The following SUGCT variants were observed in gnomAD, a reference collection of about 807,000 sequenced individuals.
SUGCT encodes the protein succinyl-CoA:glutarate-CoA transferase.
SUGCT carries 41 observed loss-of-function variants against 55.0 expected under a neutral mutation model. That is an observed-to-expected ratio of 0.74 (90% CI 0.58 to 0.97). The LOEUF (loss-of-function observed/expected upper bound fraction) is 0.97. Ranked by LOEUF, SUGCT falls within the 50% of genes least tolerant of loss-of-function variation. The pLI is 0.00. For synonymous variants in SUGCT, 187 were observed against 200.4 expected (o/e 0.93, Z 0.56); for missense variants, 568 against 547.8 (o/e 1.04, Z -0.37).
At chr7:40,223,147 G>A (rs1392813273) in intron 6 of SUGCT, among the ~76,000 whole-genome samples, 3 of 151,512 alleles carry the variant, frequency 2.0e-5, no homozygotes, top group Non-Finnish European at 2.9e-5. Flanking sequence ...CGCAACCTCC[G>A]CCTCCTGTGT....
chr7:40,322,326 T>C lies in SUGCT; in HGVS notation c.816+5471T>C, dbSNP rs139042029. ...AGCAATGAATTTCTCTAGTCTTCTA[T>C]GAGTTTTTATGCTCTCTAGTGCAGG... On this transcript the variant is annotated intron_variant, in intron 9 of 13. Transcript: ENST00000335693. Among the ~76,000 whole-genome samples the C allele has an allele frequency of 3.5e-4, 53 of 152,350 alleles. No individual in the cohort carries two copies. In the East Asian group the frequency reaches 7.7e-3, roughly 22 times the overall value.
At chr7:40,345,457 T>A (rs1797261656) in intron 9 of SUGCT, among the ~76,000 whole-genome samples, 1 of 152,218 alleles carries the variant, frequency 6.6e-6, no homozygotes, top group Non-Finnish European at 1.5e-5. Context: ...TGAAAAATGC[T>A]TTTATTTCTT....
At chr7:41,022,937 A>C in the SUGCT span, among the ~76,000 whole-genome samples, 1 of 152,316 alleles carries the variant, frequency 6.6e-6, no homozygotes, top group Non-Finnish European at 1.5e-5. Flanking sequence ...TAACAATCCA[A>C]ACATCTGTCA....
At chr7:40,284,062 A>T (rs1179451271) in intron 8 of SUGCT, among the ~76,000 whole-genome samples, 1 of 149,298 alleles carries the variant, frequency 6.7e-6, no homozygotes, top group Non-Finnish European at 1.5e-5. Context: ...AAAATATCAC[A>T]TGGTCTCGTA....
intron 1 of SUGCT, among the ~76,000 whole-genome samples, chr7:40,179,065 A>G (rs1785057149): frequency 6.6e-6 from 1 of 152,190 alleles, no homozygotes; most frequent in Admixed American, 6.6e-5. Flanking sequence ...AGCTGCAGAA[A>G]GAAGTTGGAT....
chr7:40,978,513 G>A, the SUGCT span, among the ~76,000 whole-genome samples: 1 of 152,168 alleles, frequency 6.6e-6, no homozygotes, highest in Non-Finnish European at 1.5e-5. Context: ...GGGCCTCAAA[G>A]TCGAAATGTG....
chr7:40,444,486 T>A (rs1051451818), intron 9 of SUGCT, among the ~76,000 whole-genome samples: 3 of 152,182 alleles, frequency 2.0e-5, no homozygotes, highest in Non-Finnish European at 4.4e-5. Context: ...TTTGAAGCAA[T>A]TGTGAATGGG....
chr7:40,318,958 G>A (rs1238286234), intron 9 of SUGCT, among the ~76,000 whole-genome samples: 1 of 152,038 alleles, frequency 6.6e-6, no homozygotes, highest in African/African-American at 2.4e-5. Context: ...CTGGCACCCT[G>A]GGTATGCCCT....
At chr7:40,297,895 C>T (rs1794265216) in intron 8 of SUGCT, among the ~76,000 whole-genome samples, 1 of 151,818 alleles carries the variant, frequency 6.6e-6, no homozygotes, top group African/African-American at 2.4e-5. Flanking sequence ...GAATTTTGTC[C>T]CTGCCCAAAA....
intron 12 of SUGCT, among the ~76,000 whole-genome samples, chr7:40,569,065 G>A (rs564318119): frequency 6.6e-4 from 101 of 152,270 alleles, no homozygotes; most frequent in Non-Finnish European, 1.1e-3. Context: ...TTAAAAATGA[G>A]GTACTCAATT....
chr7:40,641,645 G>C (rs1800273875), intron 12 of SUGCT, among the ~76,000 whole-genome samples: 1 of 152,188 alleles, frequency 6.6e-6, no homozygotes, highest in South Asian at 2.1e-4. Context: ...AATTATTTGA[G>C]CTAAGCTCTA....
chr7:40,402,653 A>G (rs1283883966), intron 9 of SUGCT, among the ~76,000 whole-genome samples: 1 of 151,940 alleles, frequency 6.6e-6, no homozygotes, highest in East Asian at 1.9e-4. Flanking sequence ...TTTTGGCTTA[A>G]ATGTGTTGGA....
At chr7:40,548,995 A>G (rs542447515) in intron 12 of SUGCT, among the ~76,000 whole-genome samples, 1 of 152,274 alleles carries the variant, frequency 6.6e-6, no homozygotes, top group Non-Finnish European at 1.5e-5. Context: ...GGAGGCCCTC[A>G]CTGAGCTCTT....
intron 12 of SUGCT, among the ~76,000 whole-genome samples, chr7:40,536,578 A>G (rs1794374564): frequency 6.6e-6 from 1 of 152,260 alleles, no homozygotes; most frequent in Admixed American, 6.5e-5. Context: ...GCAAGTAGTT[A>G]GCTGTGTGGC....
At chr7:40,158,570 GT>G (rs1784005639) in intron 1 of SUGCT, among the ~76,000 whole-genome samples, 4 of 152,176 alleles carry the variant, frequency 2.6e-5, no homozygotes, top group Non-Finnish European at 4.4e-5. Context: ...GACCAATGTA[GT>G]GAAACCCATC....
At chr7:40,693,578 A>G (rs576629578) in intron 12 of SUGCT, among the ~76,000 whole-genome samples, 161 of 152,330 alleles carry the variant, frequency 1.1e-3, no homozygotes, top group African/African-American at 3.8e-3. Context: ...TTCAGAGATA[A>G]CACTATTTGG....
chr7:40,818,561 T>G (rs1791799984), intron 13 of SUGCT, among the ~76,000 whole-genome samples: 1 of 152,116 alleles, frequency 6.6e-6, no homozygotes, highest in Non-Finnish European at 1.5e-5. Flanking sequence ...ATCATGGACA[T>G]TAATAATGTA....
intron 13 of SUGCT, among the ~76,000 whole-genome samples, chr7:40,847,407 C>CTCTCT (rs1793614573): frequency 5.9e-4 from 70 of 117,882 alleles, no homozygotes; most frequent in Non-Finnish European, 1.0e-3. Context: ...TCTTTTCTTT[C>CTCTCT]TTTCTTTTTT....
At chr7:40,266,185 C>CTTTTTT (rs10685507) in intron 7 of SUGCT, among the ~76,000 whole-genome samples, 4 of 116,822 alleles carry the variant, frequency 3.4e-5, no homozygotes, top group South Asian at 2.7e-4. Flanking sequence ...CTTTCCTTTC[C>CTTTTTT]TTTTTTTTTT....
Sources: gnomAD v4.1 joint callset for allele counts (sites outside exome capture counted in the v4.1 genomes callset) on GRCh38, gnomAD v4.1.1 for gene constraint, MANE v1.5 for transcripts, NCBI Gene and HGNC (gene_info 2026-07-23, HGNC 2026-07-21) for gene names.